Variants in CRISP1 observed in about 807,000 individuals in gnomAD.
CRISP1 encodes cysteine rich secretory protein 1.
A neutral mutation model predicts 33.1 loss-of-function variants in CRISP1; 44 were observed. That is an observed-to-expected ratio of 1.33 (90% CI 1.05 to 1.71). CRISP1 has a LOEUF of 1.71. CRISP1 is among the 40% of genes most tolerant of loss of function. The pLI, the probability that CRISP1 is intolerant of heterozygous loss-of-function variation, is 0.00. For missense variants in CRISP1, 390 were observed against 301.2 expected (o/e 1.29, Z -2.18); for synonymous variants, 103 against 98.7 (o/e 1.04, Z -0.26).
chr6:49,865,414 A>G (rs939244194), intron 1 of CRISP1, among the ~76,000 whole-genome samples: 1 of 152,204 alleles, frequency 6.6e-6, no homozygotes, highest in Non-Finnish European at 1.5e-5. Context: ...AAACTATCAT[A>G]TTTGTAAGAC....
At chr6:49,856,743 T>C (rs1582276132) in intron 2 of CRISP1, among the ~76,000 whole-genome samples, 2 of 152,172 alleles carry the variant, frequency 1.3e-5, no homozygotes, top group Non-Finnish European at 2.9e-5. Context: ...ATTGAAGTTA[T>C]TTAAAGGTGA....
At chr6:49,860,012 C>T (rs1463050039) in intron 1 of CRISP1, among the ~76,000 whole-genome samples, 1 of 151,828 alleles carries the variant, frequency 6.6e-6, no homozygotes, top group African/African-American at 2.4e-5. Context: ...TTCAAAACAG[C>T]AAAAGCAGAC....
chr6:49,839,056 G>A (rs1770897581), intron 6 of CRISP1, among the ~76,000 whole-genome samples: 1 of 152,038 alleles, frequency 6.6e-6, no homozygotes, highest in East Asian at 1.9e-4. Context: ...AAAGATGAAA[G>A]TACATCAGCA....
At chr6:49,871,772 G>T (rs1771930363) in intron 1 of CRISP1, among the ~76,000 whole-genome samples, 1 of 151,966 alleles carries the variant, frequency 6.6e-6, no homozygotes, top group Non-Finnish European at 1.5e-5. Context: ...GTGTATATGT[G>T]CCACATTTTC....
upstream of CRISP1, among the ~76,000 whole-genome samples, chr6:49,868,603 C>A (rs1771854100): frequency 6.6e-6 from 1 of 152,144 alleles, no homozygotes; most frequent in South Asian, 2.1e-4. Context: ...ATTTTAAAAT[C>A]ATATTTGTAA....
At chr6:49,848,160 A>AC (rs745483050) in intron 4 of CRISP1, 49 bp downstream of exon 4, 10 of 916,214 alleles carry the variant, frequency 1.1e-5, no homozygotes, top group Non-Finnish European at 1.3e-5. Flanking sequence ...CTGTTTTACT[A>AC]TTTTTTTTTT....
intron 1 of CRISP1, among the ~76,000 whole-genome samples, chr6:49,874,956 A>G (rs781635000): frequency 2.0e-5 from 3 of 152,060 alleles, no homozygotes; most frequent in Non-Finnish European, 4.4e-5. Context: ...AAACATAATA[A>G]CAAATGGGCA....
At chr6:49,845,820 C>T (rs1771147427) in intron 5 of CRISP1, among the ~76,000 whole-genome samples, 1 of 151,822 alleles carries the variant, frequency 6.6e-6, no homozygotes, top group Non-Finnish European at 1.5e-5. Flanking sequence ...AATTCTGACA[C>T]ATGCTACAAC....
upstream of CRISP1, among the ~76,000 whole-genome samples, chr6:49,868,105 C>T (rs937328679): frequency 3.3e-5 from 5 of 152,236 alleles, no homozygotes; most frequent in East Asian, 5.8e-4. Context: ...CAACACAATG[C>T]TGTCTGTATT....
At chr6:49,872,517 G>A (rs1452556606) in intron 1 of CRISP1, among the ~76,000 whole-genome samples, 1 of 152,024 alleles carries the variant, frequency 6.6e-6, no homozygotes, top group African/African-American at 2.4e-5. Flanking sequence ...TTTCTTCTAG[G>A]GTTTTTATGG....
At chr6:49,855,655 CA>C (rs1379167162) in intron 2 of CRISP1, among the ~76,000 whole-genome samples, 1 of 151,930 alleles carries the variant, frequency 6.6e-6, no homozygotes, top group Non-Finnish European at 1.5e-5. Context: ...TAGTTTTCCT[CA>C]AAAAAACTTT....
chr6:49,859,912 A>G (rs1771601199), intron 1 of CRISP1, among the ~76,000 whole-genome samples: 1 of 152,148 alleles, frequency 6.6e-6, no homozygotes, highest in Admixed American at 6.6e-5. Flanking sequence ...GCAAAGGGAT[A>G]TCAAAAGATA....
chr6:49,871,735 T>C (rs1335459601), intron 1 of CRISP1, among the ~76,000 whole-genome samples: 4 of 151,964 alleles, frequency 2.6e-5, no homozygotes, highest in Admixed American at 6.6e-5. Flanking sequence ...GAACTTATCA[T>C]TTTTTATAGC....
In CRISP1 at chr6:49,857,371, A is replaced by C. The variant is rs1357940844; in HGVS notation, c.30T>G (p.Val10=). Residue 10 remains valine (V), a synonymous_variant, in exon 2 of 8, where the codon GTT becomes GTG. Coordinates refer to ENST00000335847, the MANE Select transcript of CRISP1 (RefSeq NM_001131.3). MEIKHLLFL[V]AAACLLPMLS... ...ACATAGGCAGTAAGCAAGCAGCAGC[A>C]ACCAAAAACAAGAGGTGTTTAATTT... The C allele has an allele frequency of 5.0e-6, 8 of 1,612,990 alleles. No individual in the cohort carries two copies. The African/African-American group carries it at 9.3e-5, about 19-fold the overall frequency.
chr6:49,857,196 A>C, intron 2 of CRISP1, 139 bp downstream of exon 2: 1 of 705,864 alleles, frequency 1.4e-6, no homozygotes, highest in Non-Finnish European at 2.4e-6. Context: ...GTACTTGCCT[A>C]ACAGGGCTAT....
chr6:49,859,761 T>C (rs1335189428), intron 1 of CRISP1, among the ~76,000 whole-genome samples: 1 of 152,068 alleles, frequency 6.6e-6, no homozygotes, highest in Non-Finnish European at 1.5e-5. Flanking sequence ...CAAAATGACA[T>C]ATCAATAATA....
At chr6:49,870,760 A>T (rs1582288774), upstream of CRISP1, among the ~76,000 whole-genome samples, 1 of 152,254 alleles carries the variant, frequency 6.6e-6, no homozygotes, top group African/African-American at 2.4e-5. Context: ...TAATCCCCAA[A>T]TTTTGCTTAA....
intron 1 of CRISP1, among the ~76,000 whole-genome samples, chr6:49,875,773 A>G (rs1221492546): frequency 1.3e-5 from 2 of 152,196 alleles, no homozygotes; most frequent in Non-Finnish European, 2.9e-5. Flanking sequence ...ATCTTTGACA[A>G]ACCTGACAAA....
intron 1 of CRISP1, among the ~76,000 whole-genome samples, chr6:49,861,051 A>G (rs866935826): frequency 1.3e-5 from 2 of 152,132 alleles, no homozygotes; most frequent in African/African-American, 4.8e-5. Flanking sequence ...TCAGAAAGAA[A>G]TAGAAACCAG....
Sources: gnomAD v4.1 joint callset for allele counts (sites outside exome capture counted in the v4.1 genomes callset) on GRCh38, gnomAD v4.1.1 for gene constraint, MANE v1.5 for transcripts, NCBI Gene and HGNC (gene_info 2026-07-23, HGNC 2026-07-21) for gene names.